ZSCAN18: variants seen among roughly 807,000 people sequenced by gnomAD.
ZSCAN18 encodes zinc finger and SCAN domain-containing protein 18.
ZSCAN18 carries 16 observed loss-of-function variants against 31.1 expected under a neutral mutation model. The ratio of observed to expected loss-of-function variants is 0.51; its 90% CI spans 0.35 to 0.78. ZSCAN18 has a LOEUF of 0.78. Ranked by LOEUF, ZSCAN18 falls within the 30% of genes least tolerant of loss-of-function variation. ZSCAN18 has a pLI of 0.01. For missense variants in ZSCAN18, 731 were observed against 697.4 expected, an observed-to-expected ratio of 1.05 and a Z score of -0.54; for synonymous variants, 375 against 320.7, an observed-to-expected ratio of 1.17 and a Z score of -1.81.
chr19:58,113,614 T>G (rs944746221), intron 1 of ZSCAN18, among the ~76,000 whole-genome samples: 4 of 152,078 alleles, frequency 2.6e-5, no homozygotes, highest in African/African-American at 9.7e-5. Flanking sequence ...GACTTTTCTC[T>G]TTGACTAAAT....
chr19:58,090,586 T>A lies in ZSCAN18; in HGVS notation c.-119-200A>T. The A allele has an allele frequency of 2.1e-6, 1 of 484,970 alleles. No homozygotes were observed. The allele number at this position is 484,970 out of a possible 1,614,324, so 30.0% of individuals were successfully genotyped here. A position where few individuals can be genotyped will look rare whatever the true frequency, so the allele number is the denominator to read the frequency against. On this transcript the variant is annotated intron_variant, in intron 1 of 6. Transcript: ENST00000601144. The surrounding 1 kb of genome is among the most constrained non-coding windows in gnomAD (Gnocchi z 4.7). The stretch of plus-strand genomic sequence containing the variant: ...AATGGAGGGTAACTCATTCTGTGCA[T>A]TACCAGAATTTTTTTTTCTTTGAGA...
intron 1 of ZSCAN18, among the ~76,000 whole-genome samples, chr19:58,106,245 TA>T (rs1387214692): frequency 6.6e-6 from 1 of 151,490 alleles, no homozygotes; most frequent in East Asian, 1.9e-4. Context: ...CTACAAAACA[TA>T]AAAAAAATTA....
intron 1 of ZSCAN18, among the ~76,000 whole-genome samples, chr19:58,104,298 G>C (rs923205092): frequency 3.3e-5 from 5 of 152,114 alleles, no homozygotes; most frequent in African/African-American, 4.8e-5. Flanking sequence ...AGAATTGCTT[G>C]AACCTGGGAG....
chr19:58,088,295 TCAGA>T, intron 3 of ZSCAN18: 1 of 163,298 alleles, frequency 6.1e-6, no homozygotes, highest in East Asian at 1.7e-4. Flanking sequence ...CAGCAAGCAC[TCAGA>T]CACAGCACAC....
intron 1 of ZSCAN18, chr19:58,107,517 C>CACT (rs1451817627): frequency 2.9e-6 from 1 of 340,220 alleles, no homozygotes; most frequent in Admixed American, 6.5e-5. Context: ...GCTGAGATCA[C>CACT]ACTACTGCAC....
chr19:58,097,918 C>G (rs2074552048), intron 1 of ZSCAN18: 2 of 984,462 alleles, frequency 2.0e-6, no homozygotes, highest in Non-Finnish European at 2.4e-6. Flanking sequence ...GGGGGTTGCA[C>G]TAGTTCCCTA....
At chr19:58,103,138 TA>T (rs1485653272), upstream of ZSCAN18, among the ~76,000 whole-genome samples, 1 of 151,438 alleles carries the variant, frequency 6.6e-6, no homozygotes, top group Non-Finnish European at 1.5e-5. Context: ...AATAAAAAAA[TA>T]AAAAAAGGCT....
intron 1 of ZSCAN18, among the ~76,000 whole-genome samples, chr19:58,094,441 T>C (rs113012777): frequency 0.048 from 7,229 of 151,602 alleles, 575 homozygotes; most frequent in African/African-American, 0.16. Flanking sequence ...CATCCTCTTA[T>C]TCATCCTCCA....
At position 58,087,360 on chromosome 19, in the gene ZSCAN18, T is replaced by G. The variant is rs1271397230; in HGVS notation, c.598A>C (p.Arg200=). ...CCGTCCTCTTCGGTCTTTGCTTCTC[T>G]GACCCTCCTCTGTTCCAGAAACAGG... ...DPLFLEQRRV[R]EAKTEEDGPA... is the part of the protein sequence containing the mutation. Residue 200 remains arginine, a synonymous_variant, in exon 4 of 7, where the codon AGA becomes CGA. Coordinates refer to ENST00000601144, the MANE Select transcript of ZSCAN18 (RefSeq NM_001145543.2). The G allele has an allele frequency of 6.2e-7, 1 of 1,607,906 alleles. No homozygotes were observed. The highest frequency in any genetic ancestry group is 1.7e-5 in the Admixed American group (1 of 59,310).
At chr19:58,085,611 G>A in intron 6 of ZSCAN18, 2 of 535,452 alleles carry the variant, frequency 3.7e-6, no homozygotes, top group East Asian at 3.3e-5. Context: ...GGAGGCCACC[G>A]ACAGGACAGG....
At chr19:58,087,748 A>G in intron 3 of ZSCAN18, 1 of 196,136 alleles carries the variant, frequency 5.1e-6, no homozygotes, top group Non-Finnish European at 1.1e-5. Flanking sequence ...CCTGGACTCA[A>G]GCAATCCTCC....
chr19:58,108,245 C>T, intron 1 of ZSCAN18: 2 of 985,526 alleles, frequency 2.0e-6, no homozygotes, highest in Middle Eastern at 1.0e-3. Context: ...CCTTTCTACA[C>T]CCAGTACATA....
intron 1 of ZSCAN18, among the ~76,000 whole-genome samples, chr19:58,109,779 A>G (rs1205520501): frequency 7.2e-6 from 1 of 138,050 alleles, no homozygotes; most frequent in Non-Finnish European, 1.6e-5. Flanking sequence ...ATATGTGCAC[A>G]CACACACACA....
Position 58,098,211 on chromosome 19 carries a change from G to C in ZSCAN18, c.-157C>G. 1 of 985,476 alleles carries C rather than the reference G, an allele frequency of 1.0e-6. No individual in the cohort carries two copies. The highest frequency in any genetic ancestry group is 1.2e-6 in the Non-Finnish European group (1 of 829,986). 61.0% of individuals were successfully genotyped at this position (985,476 alleles called of 1,614,324 possible). ...TACCCCAGGCCGGTCCCAGCCGCCC[G>C]GAGCCCCAGTGCGCGATGGCGGCCG... is the stretch of plus-strand genomic sequence containing the variant. On this transcript the variant is annotated 5_prime_UTR_variant, in exon 1 of 7. Transcript: ENST00000601144.
Position 58,084,748 on chromosome 19 carries a change from C to T in ZSCAN18, c.1470G>A (p.Ala490=), listed in dbSNP as rs777378573. Residue 490 remains alanine (A), a synonymous_variant, in exon 7 of 7, where the codon GCG becomes GCA. Transcript: ENST00000601144. This position sits in a 1 kb window ranked among gnomAD's most constrained non-coding sequence, Gnocchi z 4.5. ...STREAQAGAR[A]GGPPESVEGE... ...CCTCCACGCTCTCTGGGGGACCGCC[C>T]GCCCTAGCCCCCGCCTGGGCTTCGC... 3.9e-6 allele frequency: 6 copies of T among 1,552,464 alleles called. No homozygotes were observed. Among genetic ancestry groups the T allele is most frequent in the African/African-American group, 2.7e-5 (2 of 73,120 alleles).
intron 5 of ZSCAN18, 29 bp downstream of exon 5, chr19:58,086,877 G>A: frequency 6.3e-7 from 1 of 1,577,098 alleles, no homozygotes; most frequent in Non-Finnish European, 8.7e-7. Flanking sequence ...TGGGGAGTGG[G>A]GCGTGACCCC....
At chr19:58,110,377 A>C (rs1357608783) in intron 1 of ZSCAN18, among the ~76,000 whole-genome samples, 1 of 152,058 alleles carries the variant, frequency 6.6e-6, no homozygotes, top group Non-Finnish European at 1.5e-5. Flanking sequence ...CCAGACATGC[A>C]TACTAGACTG....
intron 1 of ZSCAN18, among the ~76,000 whole-genome samples, chr19:58,103,868 T>C (rs891522285): frequency 6.6e-6 from 1 of 152,050 alleles, no homozygotes; most frequent in Non-Finnish European, 1.5e-5. Context: ...AGAGAAAAAC[T>C]TGAGGGAAAT....
rs1389990200 is a variant in ZSCAN18 at position 58,086,214 on chromosome 19, G to A, written c.798C>T (p.Leu266=). The part of the protein sequence containing the change: ...DAASRLDTEE[L]RLVERDPQGS... The stretch of plus-strand genomic sequence containing the variant: ...CTTGTGGATCTCTTTCCACCAACCG[G>A]AGTTCCTCAGTGTCCAGCCTGGAGG... Residue 266 remains leucine (L), a synonymous_variant, in exon 6 of 7, where the codon CTC becomes CTT. Transcript: ENST00000601144. The A allele has an allele frequency of 1.2e-6, 2 of 1,614,078 alleles. No homozygotes were observed. The highest frequency in any genetic ancestry group is 2.2e-5 in the East Asian group (1 of 44,882).
Sources: gnomAD v4.1 joint callset for allele counts (sites outside exome capture counted in the v4.1 genomes callset) on GRCh38, gnomAD v4.1.1 for gene constraint, Gnocchi (gnomAD v3.1) non-coding constraint, MANE v1.5 for transcripts, NCBI Gene and HGNC (gene_info 2026-07-23, HGNC 2026-07-21) for gene names.